The following LMTK2 variants were observed in gnomAD, a reference collection of about 807,000 sequenced individuals.
LMTK2 encodes serine/threonine-protein kinase LMTK2.
Under a neutral mutation model 127.5 loss-of-function variants are expected in LMTK2, and 37 were observed. That is an observed-to-expected ratio of 0.29 (90% confidence interval 0.22 to 0.38). LMTK2 has a LOEUF of 0.38. LMTK2 is among the 10% of genes least tolerant of loss of function. LMTK2 has a pLI of 1.00. For synonymous variants in LMTK2, 819 were observed against 810.1 expected (o/e 1.01, Z -0.19); for missense variants, 1,694 against 1,920.3 (o/e 0.88, Z 2.20).
intron 7 of LMTK2, among the ~76,000 whole-genome samples, chr7:98,178,411 C>T (rs946998939): frequency 3.3e-5 from 5 of 152,162 alleles, no homozygotes; most frequent in African/African-American, 7.2e-5. Context: ...TTCAGAACCG[C>T]GAGCTCCCAC....
chr7:98,184,998 C>T (rs1797411394), intron 7 of LMTK2, 53 bp from the exon 8 acceptor site: 2 of 1,313,104 alleles, frequency 1.5e-6, no homozygotes, highest in African/African-American at 2.9e-5. Flanking sequence ...TTCCATACAG[C>T]ATGATCCTGG....
intron 1 of LMTK2, among the ~76,000 whole-genome samples, chr7:98,116,024 A>G (rs1340526208): frequency 2.6e-5 from 4 of 152,026 alleles, no homozygotes; most frequent in East Asian, 1.9e-4. Context: ...AGCTGGGACT[A>G]TAGGCGCATG....
intron 3 of LMTK2, among the ~76,000 whole-genome samples, chr7:98,145,694 A>G (rs779474729): frequency 6.3e-4 from 96 of 152,286 alleles, no homozygotes; most frequent in Non-Finnish European, 1.2e-3. Flanking sequence ...TCCCAATACC[A>G]TTCTCTTAAT....
At position 98,205,542 on chromosome 7, in the gene LMTK2, C is replaced by A. The variant is rs775089399; in HGVS notation, c.*50C>A. ...GTCCGAGGCTGCTCCCCTGGAGCGG[C>A]GCCCCTGCGCCCTCAGCCCGAGCAG... On this transcript the variant is annotated 3_prime_UTR_variant, in exon 14 of 14. Transcript: ENST00000297293. 14 of 1,594,462 alleles carry A rather than the reference C, an allele frequency of 8.8e-6. No individual in the cohort carries two copies. Among genetic ancestry groups the A allele is most frequent in the African/African-American group, 2.7e-5 (2 of 74,590 alleles).
intron 3 of LMTK2, 56 bp from the exon 4 acceptor site, chr7:98,151,326 T>A: frequency 8.5e-7 from 1 of 1,172,590 alleles, no homozygotes; most frequent in Non-Finnish European, 1.2e-6. Flanking sequence ...CTTTATAGGT[T>A]ATATATTTAA....
At chr7:98,149,961 G>A (rs1796828177) in intron 3 of LMTK2, among the ~76,000 whole-genome samples, 1 of 152,108 alleles carries the variant, frequency 6.6e-6, no homozygotes, top group Non-Finnish European at 1.5e-5. Context: ...TAAAAATGAG[G>A]CAAAGATTTG....
At chr7:98,190,585 A>G (rs1233440227) in intron 9 of LMTK2, 143 bp from the exon 10 acceptor site, 23 of 838,072 alleles carry the variant, frequency 2.7e-5, no homozygotes, top group Non-Finnish European at 4.1e-5. Context: ...GTCTTAAAAC[A>G]ACAACAACAA....
chr7:98,202,985 G>A (rs1266787737), intron 11 of LMTK2, among the ~76,000 whole-genome samples: 1 of 152,202 alleles, frequency 6.6e-6, no homozygotes, highest in East Asian at 1.9e-4. Context: ...AAAACTCAGC[G>A]AGGGTCCCCT....
At chr7:98,163,897 G>A (rs1039057) in intron 6 of LMTK2, among the ~76,000 whole-genome samples, 137 of 152,236 alleles carry the variant, frequency 9.0e-4, no homozygotes, top group Middle Eastern at 6.8e-3. Context: ...CTGTGGCCAC[G>A]GTGAAGGACC....
chr7:98,107,663 A>C (rs894375050), intron 1 of LMTK2, among the ~76,000 whole-genome samples: 3 of 152,152 alleles, frequency 2.0e-5, no homozygotes, highest in Non-Finnish European at 2.9e-5. Flanking sequence ...ACCGTTTCTT[A>C]GCCCTAATCA....
chr7:98,131,394 A>G (rs545022207), intron 1 of LMTK2, among the ~76,000 whole-genome samples: 5 of 151,590 alleles, frequency 3.3e-5, no homozygotes, highest in Non-Finnish European at 5.9e-5. Context: ...TCTTTTTTAC[A>G]TTTTCCTAGG....
In LMTK2 at chr7:98,193,962, C is replaced by G; in HGVS notation, c.3497C>G (p.Ser1166Cys). Residue 1166 changes from serine (S) to cysteine (C), a missense_variant, in exon 11 of 14, where the codon TCT becomes TGT. Physicochemically the swap from Ser to Cys is moderately radical, Grantham distance 112. Transcript: ENST00000297293. The surrounding 1 kb of genome is among the most constrained non-coding windows in gnomAD (Gnocchi z 4.1). ...RKSQPDESCL[S>C]ALHNSSDLEL... Reference sequence around the variant, plus strand: ...AGCCAGCCAGATGAAAGTTGTCTGTCTGCTTTGCACAACTCCAGTGACCTG... The same window carrying G: ...AGCCAGCCAGATGAAAGTTGTCTGTGTGCTTTGCACAACTCCAGTGACCTG... 6.2e-7 allele frequency: 1 copy of G among 1,614,138 alleles called. No homozygotes were observed. The highest frequency in any genetic ancestry group is 2.2e-5 in the East Asian group (1 of 44,882).
rs751010450 is a variant in LMTK2 at position 98,204,161 on chromosome 7, G to C, written c.4458G>C (p.Leu1486=). The part of the protein sequence containing the change: ...ANIASFSLTH[L]TDSDIEQGGS... ...TTGCCAGCTTTTCCCTCACACACCT[G>C]ACCGACTCGGACATCGAGCAGGGCG... The change falls in exon 13 of 14, where the codon CTG becomes CTC. Residue 1486 remains leucine (L), a synonymous_variant. Transcript: ENST00000297293. 1 of 1,608,402 alleles carries C rather than the reference G, an allele frequency of 6.2e-7. No homozygotes were observed. Among genetic ancestry groups the C allele is most frequent in the Non-Finnish European group, 8.5e-7 (1 of 1,179,966 alleles).
At chr7:98,191,232 G>T (rs955389627) in intron 10 of LMTK2, among the ~76,000 whole-genome samples, 4 of 152,230 alleles carry the variant, frequency 2.6e-5, no homozygotes, top group Admixed American at 2.6e-4. Flanking sequence ...ACAAGTGTGA[G>T]CCAGGGTGCC....
At chr7:98,141,292 C>A in intron 2 of LMTK2, 105 bp from the exon 3 acceptor site, 1 of 1,114,538 alleles carries the variant, frequency 9.0e-7, no homozygotes. Context: ...TAAGTACAAA[C>A]TGGAAAAAAA....
At chr7:98,124,776 CTG>C (rs1384927790) in intron 1 of LMTK2, among the ~76,000 whole-genome samples, 1 of 135,672 alleles carries the variant, frequency 7.4e-6, no homozygotes, top group Non-Finnish European at 1.8e-5. Flanking sequence ...CAGAGCAAGA[CTG>C]TGTCTCTAAA....
intron 5 of LMTK2, 121 bp downstream of exon 5, chr7:98,154,997 C>T (rs1353973243): frequency 3.2e-6 from 2 of 634,282 alleles, no homozygotes. Flanking sequence ...TCCAAGGTCT[C>T]ATAAGACCTA....
chr7:98,186,405 TCTC>T (rs2116451140), intron 8 of LMTK2, among the ~76,000 whole-genome samples: 1 of 152,176 alleles, frequency 6.6e-6, no homozygotes, highest in Non-Finnish European at 1.5e-5. Flanking sequence ...AGGTTTGTGT[TCTC>T]CTCACTTCAC....
At chr7:98,176,986 C>T (rs62479803) in intron 7 of LMTK2, among the ~76,000 whole-genome samples, 2,683 of 152,224 alleles carry the variant, frequency 0.018, 35 homozygotes, top group Non-Finnish European at 0.026. Context: ...TGTTCAGGGT[C>T]GTGCAACTGG....
Sources: gnomAD v4.1 joint callset for allele counts (sites outside exome capture counted in the v4.1 genomes callset) on GRCh38, gnomAD v4.1.1 for gene constraint, Gnocchi (gnomAD v3.1) non-coding constraint, MANE v1.5 for transcripts, NCBI Gene and HGNC (gene_info 2026-07-23, HGNC 2026-07-21) for gene names.